PDE10A: variants seen among roughly 807,000 people sequenced by gnomAD.
The protein encoded by PDE10A is cAMP and cAMP-inhibited cGMP 3',5'-cyclic phosphodiesterase 10A.
A neutral mutation model predicts 97.7 loss-of-function variants in PDE10A; 39 were observed. The ratio of observed to expected loss-of-function variants is 0.40; its 90% CI spans 0.31 to 0.52. PDE10A has a LOEUF of 0.52. Among genes scored for constraint, PDE10A ranks in the 20% least tolerant of loss-of-function variants. The pLI is 0.56. For missense variants in PDE10A, 731 were observed against 1,047.8 expected (o/e 0.70, Z 4.17); for synonymous variants, 371 against 376.8 (o/e 0.98, Z 0.18).
chr6:165,495,531 A>G (rs957340655), intron 2 of PDE10A, among the ~76,000 whole-genome samples: 1 of 138,196 alleles, frequency 7.2e-6, no homozygotes, highest in African/African-American at 3.0e-5. Context: ...ACCAGGTAAA[A>G]CTAAAAACAC....
At chr6:165,398,177 A>G (rs1391818423) in intron 13 of PDE10A, among the ~76,000 whole-genome samples, 2 of 152,162 alleles carry the variant, frequency 1.3e-5, no homozygotes, top group Non-Finnish European at 2.9e-5. Context: ...TTTGAGAAAC[A>G]TATTCCTTAA....
At chr6:165,739,666 T>G (rs780539254) in intron 1 of PDE10A, among the ~76,000 whole-genome samples, 29 of 151,852 alleles carry the variant, frequency 1.9e-4, no homozygotes, top group Non-Finnish European at 3.8e-4. Context: ...CAAAAAAGCC[T>G]CTGTGTAGCA....
chr6:165,602,722 G>A (rs1787022577), intron 1 of PDE10A, among the ~76,000 whole-genome samples: 2 of 152,242 alleles, frequency 1.3e-5, no homozygotes, highest in South Asian at 4.1e-4. Context: ...AAAATCCAGT[G>A]GTCCTAAATC....
At position 165,336,665 on chromosome 6, in the gene PDE10A, C is replaced by T. The variant is rs536548596; in HGVS notation, c.2977-454G>A. Among the ~76,000 whole-genome samples, 28 of 148,666 alleles carry T rather than the reference C, an allele frequency of 1.9e-4. 1 individual carries two copies. In the South Asian group the frequency reaches 4.9e-3, roughly 26 times the overall value. On this transcript the variant is annotated intron_variant, in intron 20 of 21. Transcript: ENST00000539869. ...TCGGGAGGCTGAGGCAGGACAATGG[C>T]GTCAACCCGGGAAGCGGAGCTTGCA...
At chr6:165,770,223 C>G (rs949831576) in intron 1 of PDE10A, among the ~76,000 whole-genome samples, 4 of 148,074 alleles carry the variant, frequency 2.7e-5, no homozygotes, top group Admixed American at 6.7e-5. Flanking sequence ...CATGAAGTTT[C>G]TCTTACAGTG....
chr6:165,729,877 C>A (rs1263385565), intron 1 of PDE10A, among the ~76,000 whole-genome samples: 1 of 152,124 alleles, frequency 6.6e-6, no homozygotes, highest in Non-Finnish European at 1.5e-5. Context: ...GAGAATGGAG[C>A]AATTTCTGTT....
intron 3 of PDE10A, among the ~76,000 whole-genome samples, chr6:165,475,325 T>C (rs1231704708): frequency 6.6e-6 from 1 of 152,004 alleles, no homozygotes; most frequent in Non-Finnish European, 1.5e-5. Flanking sequence ...TTTATAAATA[T>C]GAAGAAAACA....
At chr6:165,657,012 G>A (rs1210971830) in intron 1 of PDE10A, among the ~76,000 whole-genome samples, 1 of 152,236 alleles carries the variant, frequency 6.6e-6, no homozygotes, top group East Asian at 1.9e-4. Context: ...CAGGCACCAT[G>A]TTTTGTTCTG....
At chr6:165,705,744 TA>T (rs1289560093) in intron 1 of PDE10A, among the ~76,000 whole-genome samples, 1 of 152,148 alleles carries the variant, frequency 6.6e-6, no homozygotes, top group East Asian at 1.9e-4. Context: ...AATCTATTTT[TA>T]AAAAAAGATG....
intron 1 of PDE10A, among the ~76,000 whole-genome samples, chr6:165,834,623 C>G: frequency 6.6e-6 from 1 of 152,204 alleles, no homozygotes; most frequent in East Asian, 1.9e-4. Context: ...ATTTGCCTTG[C>G]TCTGCCACAA....
At chr6:165,558,743 T>C (rs1274902361) in intron 1 of PDE10A, among the ~76,000 whole-genome samples, 1 of 152,048 alleles carries the variant, frequency 6.6e-6, no homozygotes, top group African/African-American at 2.4e-5. Context: ...TGTTTTAGGA[T>C]GAATAAGGGA....
At chr6:165,411,623 A>AC (rs1166617908) in intron 13 of PDE10A, among the ~76,000 whole-genome samples, 6 of 152,250 alleles carry the variant, frequency 3.9e-5, no homozygotes, top group Non-Finnish European at 7.3e-5. Flanking sequence ...CTAATACAGT[A>AC]CCAATGTTAA....
At chr6:165,751,147 C>T (rs1792990509) in intron 1 of PDE10A, among the ~76,000 whole-genome samples, 2 of 152,206 alleles carry the variant, frequency 1.3e-5, no homozygotes, top group Admixed American at 1.3e-4. Flanking sequence ...ACTGACGTCA[C>T]ATTTCACAGG....
chr6:165,583,765 G>C (rs1050720094), intron 1 of PDE10A, among the ~76,000 whole-genome samples: 3 of 152,266 alleles, frequency 2.0e-5, no homozygotes, highest in Non-Finnish European at 4.4e-5. Context: ...AGTGTCTAAT[G>C]TATGATACCG....
intron 10 of PDE10A, among the ~76,000 whole-genome samples, chr6:165,421,800 C>T (rs541945513): frequency 1.1e-4 from 16 of 152,158 alleles, no homozygotes; most frequent in South Asian, 6.2e-4. Flanking sequence ...CAGGGGCTCA[C>T]GCTGTACTTC....
At chr6:165,951,193 C>T (rs1409157816) in intron 1 of PDE10A, among the ~76,000 whole-genome samples, 1 of 152,174 alleles carries the variant, frequency 6.6e-6, no homozygotes, top group African/African-American at 2.4e-5. Context: ...CTAGATTTGC[C>T]AGTTCTGTAA....
chr6:165,937,283 CT>C (rs1009693123), intron 1 of PDE10A, among the ~76,000 whole-genome samples: 3 of 152,126 alleles, frequency 2.0e-5, no homozygotes, highest in Non-Finnish European at 2.9e-5. Context: ...CTTTTGTTTA[CT>C]TTTTTCCCCC....
chr6:165,466,638 T>C (rs1422154718), intron 3 of PDE10A, among the ~76,000 whole-genome samples: 3 of 152,188 alleles, frequency 2.0e-5, no homozygotes, highest in Non-Finnish European at 2.9e-5. Flanking sequence ...ACTTTTTCAT[T>C]ATTATTGTAC....
chr6:165,613,499 C>T (rs369172654), intron 1 of PDE10A, among the ~76,000 whole-genome samples: 2 of 151,910 alleles, frequency 1.3e-5, no homozygotes, highest in East Asian at 1.9e-4. Context: ...ATTAGCCAGG[C>T]GTGGTGGTAC....
Sources: gnomAD v4.1 joint callset for allele counts (sites outside exome capture counted in the v4.1 genomes callset) on GRCh38, gnomAD v4.1.1 for gene constraint, MANE v1.5 for transcripts, NCBI Gene and HGNC (gene_info 2026-07-23, HGNC 2026-07-21) for gene names.